SLC35D4: variants seen among roughly 807,000 people sequenced by gnomAD.
SLC35D4 encodes the protein solute carrier family 35 member D4, also known as UDP-N-acetylglucosamine transporter SLC35D4.
chr18:23,378,185 C>CTCTT, the SLC35D4 span, among the ~76,000 whole-genome samples: 5 of 151,476 alleles, frequency 3.3e-5, no homozygotes, highest in African/African-American at 9.7e-5. Context: ...TGTATGGCTA[C>CTCTT]TCTTTCTTTC....
At chr18:23,276,315 T>C in the SLC35D4 span, among the ~76,000 whole-genome samples, 2 of 151,964 alleles carry the variant, frequency 1.3e-5, no homozygotes, top group Non-Finnish European at 1.5e-5. Context: ...GTCTCGATCT[T>C]CTGACCTCGT....
At chr18:23,294,309 G>A in the SLC35D4 span, among the ~76,000 whole-genome samples, 2 of 152,154 alleles carry the variant, frequency 1.3e-5, no homozygotes, top group Non-Finnish European at 2.9e-5. Context: ...CTTACCTGGA[G>A]ACTCCCTAAG....
the SLC35D4 span, among the ~76,000 whole-genome samples, chr18:23,325,499 C>A: frequency 3.9e-5 from 6 of 152,088 alleles, no homozygotes; most frequent in Non-Finnish European, 8.8e-5. Flanking sequence ...AAAGAAGGTG[C>A]GTGATCAGTT....
the SLC35D4 span, among the ~76,000 whole-genome samples, chr18:23,370,633 C>A: frequency 6.6e-6 from 1 of 151,322 alleles, no homozygotes; most frequent in Non-Finnish European, 1.5e-5. Flanking sequence ...TGTTAATAGT[C>A]AGGGCACCGT....
chr18:23,406,076 A>G, the SLC35D4 span, among the ~76,000 whole-genome samples: 1 of 152,208 alleles, frequency 6.6e-6, no homozygotes, highest in South Asian at 2.1e-4. Context: ...GTTCTGCTGT[A>G]CCTAAGGATT....
chr18:23,282,041 TTAACTTC>T, the SLC35D4 span, among the ~76,000 whole-genome samples: 1 of 152,244 alleles, frequency 6.6e-6, no homozygotes, highest in Non-Finnish European at 1.5e-5. Context: ...ACAGCTCCAC[TTAACTTC>T]TATTTGCCAT....
the SLC35D4 span, among the ~76,000 whole-genome samples, chr18:23,381,874 G>A: frequency 1.1e-4 from 17 of 152,204 alleles, no homozygotes; most frequent in African/African-American, 4.1e-4. Flanking sequence ...CTGTGGAGAT[G>A]CCTTGATCTT....
chr18:23,268,334 A>G, the SLC35D4 span, among the ~76,000 whole-genome samples: 5 of 152,194 alleles, frequency 3.3e-5, no homozygotes, highest in Non-Finnish European at 7.3e-5. Flanking sequence ...AGTACTATTC[A>G]GATCAGGAGC....
chr18:23,315,258 A>C, the SLC35D4 span, among the ~76,000 whole-genome samples: 2 of 152,206 alleles, frequency 1.3e-5, no homozygotes, highest in African/African-American at 4.8e-5. Context: ...GCTTTTGCTC[A>C]GCAAGTTCTC....
chr18:23,309,572 A>G, the SLC35D4 span: 1 of 926,602 alleles, frequency 1.1e-6, no homozygotes, highest in Non-Finnish European at 1.8e-6. Flanking sequence ...GGATGGAGAT[A>G]CACAGCCAAC....
the SLC35D4 span, among the ~76,000 whole-genome samples, chr18:23,243,943 C>G: frequency 6.6e-6 from 1 of 151,882 alleles, no homozygotes; most frequent in African/African-American, 2.4e-5. Flanking sequence ...AGCATCTGCT[C>G]TCTATGTATT....
At chr18:23,404,993 A>AAAC in the SLC35D4 span, among the ~76,000 whole-genome samples, 21 of 18,018 alleles carry the variant, frequency 1.2e-3, no homozygotes, top group Admixed American at 4.1e-3. Context: ...ACTCCGTCTC[A>AAAC]AAAAAAAAAA....
the SLC35D4 span, among the ~76,000 whole-genome samples, chr18:23,382,239 CAA>C: frequency 2.6e-4 from 20 of 75,672 alleles, no homozygotes; most frequent in African/African-American, 5.4e-4. Context: ...GACTCAGTCT[CAA>C]AAAAAAAAAA....
chr18:23,434,313 C>G, the SLC35D4 span, among the ~76,000 whole-genome samples: 1 of 152,120 alleles, frequency 6.6e-6, no homozygotes, highest in Non-Finnish European at 1.5e-5. Flanking sequence ...TCCACTAGCT[C>G]TGACACTTCC....
chr18:23,314,339 T>C, the SLC35D4 span, among the ~76,000 whole-genome samples: 2 of 152,182 alleles, frequency 1.3e-5, no homozygotes, highest in African/African-American at 4.8e-5. Context: ...TTCCTCTAAG[T>C]AACAGAAATC....
At chr18:23,339,996 A>C in the SLC35D4 span, among the ~76,000 whole-genome samples, 25 of 152,308 alleles carry the variant, frequency 1.6e-4, no homozygotes, top group African/African-American at 5.8e-4. Flanking sequence ...AAAGTCAAAC[A>C]GTGAGTACTT....
the SLC35D4 span, among the ~76,000 whole-genome samples, chr18:23,409,550 T>C: frequency 6.6e-6 from 1 of 152,040 alleles, no homozygotes; most frequent in Non-Finnish European, 1.5e-5. Context: ...TCAAAAATAT[T>C]AGGAAAAAGG....
chr18:23,240,920 TACAG>T, the SLC35D4 span, among the ~76,000 whole-genome samples: 6 of 152,240 alleles, frequency 3.9e-5, no homozygotes, highest in African/African-American at 9.6e-5. Context: ...AGGAGTAATT[TACAG>T]ACAATCAGAT....
chr18:23,278,759 ACT>A, the SLC35D4 span, among the ~76,000 whole-genome samples: 1 of 152,128 alleles, frequency 6.6e-6, no homozygotes, highest in Non-Finnish European at 1.5e-5. Context: ...ATAATCCAGC[ACT>A]TTGGGAGGCC....
Sources: gnomAD v4.1 joint callset for allele counts (sites outside exome capture counted in the v4.1 genomes callset) on GRCh38, gnomAD v4.1.1 for gene constraint, MANE v1.5 for transcripts, NCBI Gene and HGNC (gene_info 2026-07-23, HGNC 2026-07-21) for gene names.